NEDD4L: variants seen among roughly 807,000 people sequenced by gnomAD.
The protein encoded by NEDD4L is E3 ubiquitin-protein ligase NEDD4-like.
In NEDD4L, 54 loss-of-function variants were observed where a neutral mutation model predicts 148.9. That is an observed-to-expected ratio of 0.36 (90% CI 0.29 to 0.45). The LOEUF (loss-of-function observed/expected upper bound fraction) is 0.45. Among genes scored for constraint, NEDD4L ranks in the 20% least tolerant of loss-of-function variants. The pLI, the probability that NEDD4L is intolerant of heterozygous loss-of-function variation, is 1.00. For missense variants in NEDD4L, 856 were observed against 1,233.8 expected (o/e 0.69, Z 4.59); for synonymous variants, 433 against 440.7 (o/e 0.98, Z 0.22).
chr18:58,113,815 G>A (rs1229004883), intron 1 of NEDD4L, among the ~76,000 whole-genome samples: 1 of 152,190 alleles, frequency 6.6e-6, no homozygotes, highest in Non-Finnish European at 1.5e-5. Flanking sequence ...AGATGGATTG[G>A]GATTGGGGGT....
chr18:58,348,266 G>A (rs2043354829), intron 16 of NEDD4L, among the ~76,000 whole-genome samples: 1 of 150,462 alleles, frequency 6.6e-6, no homozygotes, highest in Non-Finnish European at 1.5e-5. Context: ...CCAAAGTGCT[G>A]AGATTACAAG....
intron 1 of NEDD4L, among the ~76,000 whole-genome samples, chr18:58,097,281 C>T (rs1167518726): frequency 1.3e-5 from 2 of 152,144 alleles, no homozygotes; most frequent in African/African-American, 2.4e-5. Context: ...AGAGAGCATT[C>T]GAGTGTTTGC....
chr18:58,256,779 G>A lies in NEDD4L; in HGVS notation c.297+4725G>A. 1 of 1,231,904 alleles carries A rather than the reference G, an allele frequency of 8.1e-7. No individual in the cohort carries two copies. The highest frequency in any genetic ancestry group is 3.2e-5 in the East Asian group (1 of 31,706). The allele number at this position is 1,231,904 out of a possible 1,614,324, so 76.3% of individuals were successfully genotyped here. ...TCCACGGGAGCTGACACCACGGTAA[G>A]TTCACAGCGTGTTTACATGTGTTTA... On this transcript the variant is annotated intron_variant, in intron 5 of 30. Transcript: ENST00000400345. This position sits in a 1 kb window ranked among gnomAD's most constrained non-coding sequence, Gnocchi z 5.2.
At chr18:58,109,708 T>C (rs1369085071) in intron 1 of NEDD4L, among the ~76,000 whole-genome samples, 1 of 151,730 alleles carries the variant, frequency 6.6e-6, no homozygotes. Context: ...GTAGCTGGGA[T>C]TACAGGTGCC....
chr18:58,135,856 C>G (rs560606246), intron 1 of NEDD4L, among the ~76,000 whole-genome samples: 8 of 152,278 alleles, frequency 5.3e-5, no homozygotes, highest in Non-Finnish European at 8.8e-5. Context: ...GCAGGGAGAG[C>G]CCAGGTTATT....
In NEDD4L at chr18:58,054,457, T is replaced by C. The variant is rs141487792; in HGVS notation, c.48+9749T>C. ...AAGGAAAAGCAAAGCCTGTACAACA[T>C]GGTGAGACCCCATGCCTGTGGTCCC... is the stretch of plus-strand genomic sequence containing the variant. On this transcript the variant is annotated intron_variant, in intron 1 of 30. Transcript: ENST00000400345. Among the ~76,000 whole-genome samples the C allele has an allele frequency of 2.3e-3, 356 of 152,284 alleles. 3 individuals carry two copies. The highest frequency in any genetic ancestry group is 7.8e-3 in the African/African-American group (324 of 41,568).
chr18:58,273,926 T>C (rs1306923135), intron 5 of NEDD4L, among the ~76,000 whole-genome samples: 1 of 152,182 alleles, frequency 6.6e-6, no homozygotes, highest in Non-Finnish European at 1.5e-5. Context: ...TTTATCCCTC[T>C]CCCATCCACA....
In NEDD4L at chr18:58,350,984, A is replaced by T. The variant is rs1212097174; in HGVS notation, c.1654-7A>T. 1 of 1,585,962 alleles carries T rather than the reference A, an allele frequency of 6.3e-7. No individual in the cohort carries two copies. The highest frequency in any genetic ancestry group is 8.6e-7 in the Non-Finnish European group (1 of 1,164,512). ...TTTTCTCTCTCCCTTCCTTCCCCGG[A>T]TACTAGCCTGGCTGGGAAGAAAGAA... On this transcript the variant is annotated splice_polypyrimidine_tract_variant and splice_region_variant and intron_variant, in intron 17 of 30. Transcript: ENST00000400345.
At chr18:58,391,621 C>A in intron 30 of NEDD4L, 62 bp downstream of exon 30, 3 of 1,206,652 alleles carry the variant, frequency 2.5e-6, no homozygotes, top group African/African-American at 1.5e-5. Flanking sequence ...GGGTATGGTG[C>A]TGGGCTCAAG....
intron 1 of NEDD4L, among the ~76,000 whole-genome samples, chr18:58,148,117 A>G (rs901896387): frequency 1.3e-5 from 2 of 151,106 alleles, no homozygotes; most frequent in Non-Finnish European, 2.9e-5. Flanking sequence ...CCATAACAAA[A>G]TACCCAATTG....
At chr18:58,246,033 G>A (rs991846466) in intron 3 of NEDD4L, among the ~76,000 whole-genome samples, 1 of 151,774 alleles carries the variant, frequency 6.6e-6, no homozygotes, top group African/African-American at 2.4e-5. Flanking sequence ...TTCATTTTAA[G>A]TGTCTTTCAG....
chr18:58,200,573 A>C (rs1351155879), intron 2 of NEDD4L, among the ~76,000 whole-genome samples: 1 of 152,238 alleles, frequency 6.6e-6, no homozygotes, highest in Non-Finnish European at 1.5e-5. Context: ...GATAACGTGG[A>C]TATGTTATGG....
At position 58,256,201 on chromosome 18, in the gene NEDD4L, C is replaced by G; in HGVS notation, c.297+4147C>G. On this transcript the variant is annotated intron_variant, in intron 5 of 30. Coordinates refer to ENST00000400345, the MANE Select transcript of NEDD4L (RefSeq NM_001144967.3). The surrounding 1 kb of genome is among the most constrained non-coding windows in gnomAD (Gnocchi z 5.2). ...CCGTGGACTGCGCGGAGGAGGCTGCCCCGGGCCTGCGCATCCAGCACCGCG... is the reference window on the plus strand; with the variant it reads ...CCGTGGACTGCGCGGAGGAGGCTGCGCCGGGCCTGCGCATCCAGCACCGCG... 2 of 1,219,172 alleles carry G rather than the reference C, an allele frequency of 1.6e-6. No individual in the cohort carries two copies. Among genetic ancestry groups the G allele is most frequent in the South Asian group, 8.2e-5 (2 of 24,244 alleles). 75.5% of individuals were successfully genotyped at this position (1,219,172 alleles called of 1,614,324 possible).
intron 1 of NEDD4L, among the ~76,000 whole-genome samples, chr18:58,089,418 A>T (rs2083942340): frequency 6.6e-6 from 1 of 152,144 alleles, no homozygotes; most frequent in Non-Finnish European, 1.5e-5. Context: ...TACAGGCGTG[A>T]ACCACGATGC....
intron 1 of NEDD4L, among the ~76,000 whole-genome samples, chr18:58,070,317 T>G (rs1222460512): frequency 6.6e-6 from 1 of 152,046 alleles, no homozygotes; most frequent in African/African-American, 2.4e-5. Flanking sequence ...TAGCCTGGAG[T>G]GCAGTGGTGT....
intron 5 of NEDD4L, among the ~76,000 whole-genome samples, chr18:58,301,187 A>T (rs1162530894): frequency 6.6e-6 from 1 of 152,132 alleles, no homozygotes; most frequent in Middle Eastern, 3.2e-3. Context: ...CAACTTATAG[A>T]GCTCATTTAC....
intron 15 of NEDD4L, among the ~76,000 whole-genome samples, chr18:58,342,054 CTT>C (rs2042500299): frequency 6.6e-6 from 1 of 152,236 alleles, no homozygotes; most frequent in Admixed American, 6.5e-5. Context: ...TGGGCACTCT[CTT>C]TTCAGGACTT....
chr18:58,336,452 C>T (rs2041779588), intron 13 of NEDD4L, among the ~76,000 whole-genome samples: 1 of 151,998 alleles, frequency 6.6e-6, no homozygotes, highest in African/African-American at 2.4e-5. Flanking sequence ...TGGTGAGCAC[C>T]TGTAGTCCCA....
chr18:58,207,879 C>A (rs2042130440), intron 2 of NEDD4L, among the ~76,000 whole-genome samples: 1 of 152,150 alleles, frequency 6.6e-6, no homozygotes, highest in Admixed American at 6.5e-5. Flanking sequence ...CATGGTGAAA[C>A]CCTGCCTCTA....
Sources: allele counts gnomAD v4.1 joint callset (sites outside exome capture counted in the v4.1 genomes callset), GRCh38; gene constraint gnomAD v4.1.1; non-coding constraint Gnocchi (gnomAD v3.1); transcripts MANE v1.5; gene names NCBI Gene and HGNC (gene_info 2026-07-23, HGNC 2026-07-21).